Variants in MAOB observed in about 807,000 individuals in gnomAD.
The protein encoded by MAOB is amine oxidase [flavin-containing] B.
In MAOB, 15 loss-of-function variants were observed where a neutral mutation model predicts 41.9. The observed-to-expected ratio is 0.36, with a 90% CI of 0.24 to 0.55. MAOB has a LOEUF of 0.55. Ranked by LOEUF, MAOB falls within the 20% of genes least tolerant of loss-of-function variation. The pLI, the probability that MAOB is intolerant of heterozygous loss-of-function variation, is 0.86. For missense variants in MAOB, 345 were observed against 398.7 expected (o/e 0.87, Z 1.15); for synonymous variants, 167 against 144.2 (o/e 1.16, Z -1.13).
At chrX:43,850,469 C>T (rs1367668923) in intron 1 of MAOB, 13 of 751,653 alleles carry the variant, frequency 1.7e-5, no homozygotes, top group Non-Finnish European at 1.9e-5. Context: ...ATAGTTCCTC[C>T]TCCTTAAGTT....
At chrX:43,845,087 A>G (rs921564600) in intron 1 of MAOB, among the ~76,000 whole-genome samples, 1 of 112,204 alleles carries the variant, frequency 8.9e-6, no homozygotes, top group Non-Finnish European at 1.9e-5. Flanking sequence ...AGTTTGGGGT[A>G]CTAATCCATC....
At chrX:43,864,076 A>G (rs1055814929) in intron 1 of MAOB, among the ~76,000 whole-genome samples, 5 of 111,656 alleles carry the variant, frequency 4.5e-5, no homozygotes, top group African/African-American at 1.6e-4. Context: ...TTGTTCATCA[A>G]TTAAGGGACT....
At chrX:43,856,023 TA>T (rs2147173384) in intron 1 of MAOB, among the ~76,000 whole-genome samples, 1 of 111,147 alleles carries the variant, frequency 9.0e-6, no homozygotes, top group East Asian at 2.8e-4. Context: ...AAAGCAAAAA[TA>T]AAAAATAAAT....
chrX:43,806,891 A>T lies in MAOB; in HGVS notation c.280-3487T>A, dbSNP rs192364787. On this transcript the variant is annotated intron_variant, in intron 3 of 14. Coordinates refer to ENST00000378069, the MANE Select transcript of MAOB (RefSeq NM_000898.5). ...GAGCACTCCTTCAGGTCGGCTCCTGAGTCCCTTTGACATGTCCCCATCCTT... is the reference window on the plus strand; with the variant it reads ...GAGCACTCCTTCAGGTCGGCTCCTGTGTCCCTTTGACATGTCCCCATCCTT... 5.3e-3 allele frequency among the ~76,000 whole-genome samples: 588 copies of T among 111,325 alleles called. 4 individuals are homozygous for T. The highest frequency in any genetic ancestry group is 0.018 in the African/African-American group (537 of 30,626).
chrX:43,786,154 G>A (rs1261822268), intron 8 of MAOB, among the ~76,000 whole-genome samples: 1 of 111,973 alleles, frequency 8.9e-6, no homozygotes, highest in Non-Finnish European at 1.9e-5. Flanking sequence ...ACAGGGCACT[G>A]GTGAAAATAT....
At chrX:43,858,367 C>T (rs138711736) in intron 1 of MAOB, among the ~76,000 whole-genome samples, 200 of 111,090 alleles carry the variant, frequency 1.8e-3, no homozygotes, top group African/African-American at 5.8e-3. Flanking sequence ...CCCTGCAATA[C>T]CTAGCAAGAC....
intron 1 of MAOB, among the ~76,000 whole-genome samples, chrX:43,870,250 G>A (rs1602036725): frequency 8.9e-6 from 1 of 112,101 alleles, no homozygotes; most frequent in Non-Finnish European, 1.9e-5. Flanking sequence ...GTACTGCCAC[G>A]GATTCCTCCA....
At chrX:43,782,533 C>A (rs1017977192) in intron 8 of MAOB, among the ~76,000 whole-genome samples, 2 of 111,406 alleles carry the variant, frequency 1.8e-5, no homozygotes, top group Admixed American at 1.9e-4. Flanking sequence ...CAAGACCAGA[C>A]GGATTCACAG....
intron 1 of MAOB, among the ~76,000 whole-genome samples, chrX:43,858,524 T>C (rs1022175230): frequency 9.0e-6 from 1 of 110,838 alleles, no homozygotes; most frequent in Non-Finnish European, 1.9e-5. Context: ...TGAGATTTCA[T>C]GTAATTCCAC....
intron 3 of MAOB, among the ~76,000 whole-genome samples, chrX:43,812,653 G>A (rs1293862524): frequency 8.9e-6 from 1 of 112,457 alleles, no homozygotes; most frequent in Non-Finnish European, 1.9e-5. Flanking sequence ...CTATTAAAAT[G>A]TTTTGTCCAT....
intron 8 of MAOB, among the ~76,000 whole-genome samples, chrX:43,786,488 G>A (rs990695394): frequency 1.8e-5 from 2 of 111,803 alleles, no homozygotes; most frequent in Non-Finnish European, 3.8e-5. Context: ...CCACTGGCTT[G>A]AGGGGTGTTT....
chrX:43,840,269 C>A (rs1170461783), intron 2 of MAOB, among the ~76,000 whole-genome samples: 1 of 111,201 alleles, frequency 9.0e-6, no homozygotes, highest in Non-Finnish European at 1.9e-5. Context: ...TCCTATGGCA[C>A]CACTCCAAGC....
chrX:43,836,235 TG>T (rs1397378808), intron 3 of MAOB, among the ~76,000 whole-genome samples: 1 of 112,028 alleles, frequency 8.9e-6, no homozygotes, highest in Non-Finnish European at 1.9e-5. Flanking sequence ...TCGAAGTTCT[TG>T]TTAATAATTC....
At chrX:43,791,336 T>A (rs1257659030) in intron 8 of MAOB, among the ~76,000 whole-genome samples, 1 of 111,080 alleles carries the variant, frequency 9.0e-6, no homozygotes, top group Non-Finnish European at 1.9e-5. Context: ...ATCCCGCCCT[T>A]CACCCTCCGT....
intron 1 of MAOB, among the ~76,000 whole-genome samples, chrX:43,849,094 T>C (rs1266853787): frequency 8.9e-6 from 1 of 112,177 alleles, no homozygotes; most frequent in Non-Finnish European, 1.9e-5. Context: ...TGTTAATTGT[T>C]GAACTTTTCA....
chrX:43,832,883 T>C (rs750407998), intron 3 of MAOB, among the ~76,000 whole-genome samples: 57 of 111,728 alleles, frequency 5.1e-4, no homozygotes, highest in Non-Finnish European at 7.9e-4. Flanking sequence ...GTGAGGAGGA[T>C]ACAGGGCTTT....
chrX:43,814,312 G>A (rs1399283426), intron 3 of MAOB, among the ~76,000 whole-genome samples: 1 of 112,103 alleles, frequency 8.9e-6, no homozygotes, highest in Non-Finnish European at 1.9e-5. Flanking sequence ...CTCTGGTCAA[G>A]CAGTTTCCCT....
At chrX:43,844,703 C>T (rs1602022290) in intron 1 of MAOB, 2 of 112,622 alleles carry the variant, frequency 1.8e-5, no homozygotes, top group Non-Finnish European at 3.7e-5. Context: ...CCCTCACTCT[C>T]TCTTCTGGAG....
intron 3 of MAOB, among the ~76,000 whole-genome samples, chrX:43,826,161 A>G (rs2034944277): frequency 8.9e-6 from 1 of 112,101 alleles, no homozygotes; most frequent in Admixed American, 9.5e-5. Context: ...CTGTAACTCA[A>G]CTGTGGACAA....
Sources: gnomAD v4.1 joint callset for allele counts (sites outside exome capture counted in the v4.1 genomes callset) on GRCh38, gnomAD v4.1.1 for gene constraint, MANE v1.5 for transcripts, NCBI Gene and HGNC (gene_info 2026-07-23, HGNC 2026-07-21) for gene names.